TENM2: variants seen among roughly 807,000 people sequenced by gnomAD.
TENM2 encodes teneurin transmembrane protein 2, also known as teneurin-2.
In TENM2, 52 loss-of-function variants were observed where a neutral mutation model predicts 245.2. The observed-to-expected ratio is 0.21, with a 90% CI of 0.17 to 0.27. TENM2 has a LOEUF of 0.27. TENM2 is among the 10% of genes least tolerant of loss of function. TENM2 has a pLI of 1.00. For missense variants in TENM2, 3,046 were observed against 3,666.8 expected, an observed-to-expected ratio of 0.83 and a Z score of 4.37; for synonymous variants, 1,363 against 1,438.9, an observed-to-expected ratio of 0.95 and a Z score of 1.19.
the TENM2 span, among the ~76,000 whole-genome samples, chr5:167,126,303 G>A: frequency 7.9e-5 from 12 of 152,088 alleles, no homozygotes; most frequent in African/African-American, 2.9e-4. Context: ...GGAAGAAGGA[G>A]GTGTCTCAGC....
At chr5:167,865,681 C>T (rs978594517) in intron 2 of TENM2, among the ~76,000 whole-genome samples, 2 of 152,176 alleles carry the variant, frequency 1.3e-5, no homozygotes, top group Admixed American at 6.5e-5. Context: ...TGGAGACTGA[C>T]ATGTTGTCAC....
chr5:168,147,187 G>A (rs533646806), intron 12 of TENM2, among the ~76,000 whole-genome samples: 6 of 152,306 alleles, frequency 3.9e-5, no homozygotes, highest in East Asian at 1.9e-4. Flanking sequence ...CAGAGTTAGC[G>A]TTCTCGCAGC....
chr5:168,115,801 T>C (rs1795039846), intron 9 of TENM2, among the ~76,000 whole-genome samples: 1 of 152,202 alleles, frequency 6.6e-6, no homozygotes, highest in African/African-American at 2.4e-5. Context: ...TTCTCTGGAA[T>C]ACCAACTCTG....
chr5:167,343,956 A>G (rs1417744590), intron 1 of TENM2, among the ~76,000 whole-genome samples: 1 of 151,772 alleles, frequency 6.6e-6, no homozygotes, highest in Non-Finnish European at 1.5e-5. Flanking sequence ...GTGGAAAGGA[A>G]ACTTAAAAAC....
intron 3 of TENM2, among the ~76,000 whole-genome samples, chr5:167,920,691 T>A (rs1251962900): frequency 3.9e-5 from 6 of 152,060 alleles, no homozygotes; most frequent in Non-Finnish European, 7.4e-5. Flanking sequence ...AGATAAATAA[T>A]TGGGGGAGAT....
At chr5:167,203,263 C>T in the TENM2 span, among the ~76,000 whole-genome samples, 1 of 152,140 alleles carries the variant, frequency 6.6e-6, no homozygotes, top group Non-Finnish European at 1.5e-5. Flanking sequence ...TCCTAGTCTC[C>T]ATTCCCACTG....
At chr5:167,373,114 A>G (rs574450073) in intron 1 of TENM2, among the ~76,000 whole-genome samples, 4 of 152,374 alleles carry the variant, frequency 2.6e-5, no homozygotes, top group Admixed American at 6.5e-5. Flanking sequence ...TCTCCAATGA[A>G]TAAGTTTCAT....
intron 2 of TENM2, among the ~76,000 whole-genome samples, chr5:167,747,112 C>T (rs1761642378): frequency 6.6e-6 from 1 of 152,016 alleles, no homozygotes. Context: ...GTGTCAGGAG[C>T]AGAAGGTGAT....
At chr5:167,897,887 A>ATTTT (rs1432727515) in intron 3 of TENM2, among the ~76,000 whole-genome samples, 26 of 136,754 alleles carry the variant, frequency 1.9e-4, no homozygotes, top group African/African-American at 7.1e-4. Context: ...TCCGTAGTAA[A>ATTTT]TTGTTTTTTT....
chr5:168,014,615 G>A (rs1459272856), intron 5 of TENM2, among the ~76,000 whole-genome samples: 3 of 152,152 alleles, frequency 2.0e-5, no homozygotes, highest in Non-Finnish European at 4.4e-5. Context: ...TCTGCACTAG[G>A]CGTAATGGTT....
At chr5:167,126,552 G>T in the TENM2 span, among the ~76,000 whole-genome samples, 62 of 152,086 alleles carry the variant, frequency 4.1e-4, no homozygotes, top group Admixed American at 3.3e-4. Context: ...TCACATGGAA[G>T]AATTATAAAT....
At chr5:167,162,167 G>A in the TENM2 span, among the ~76,000 whole-genome samples, 5 of 145,870 alleles carry the variant, frequency 3.4e-5, no homozygotes, top group South Asian at 2.2e-4. Context: ...GCAAGACTCC[G>A]TCTCAAAAAA....
chr5:166,985,602 A>G, the TENM2 span, among the ~76,000 whole-genome samples: 2 of 152,194 alleles, frequency 1.3e-5, no homozygotes, highest in Non-Finnish European at 2.9e-5. Flanking sequence ...ACGCAGTCAG[A>G]TGAAACCAAT....
upstream of TENM2, among the ~76,000 whole-genome samples, chr5:167,283,044 T>C (rs1485131543): frequency 6.6e-6 from 1 of 151,762 alleles, no homozygotes; most frequent in African/African-American, 2.4e-5. Context: ...ATTTGTACCC[T>C]CTTTTTCTTT....
chr5:167,800,699 G>A (rs1765645204), intron 2 of TENM2, among the ~76,000 whole-genome samples: 1 of 152,152 alleles, frequency 6.6e-6, no homozygotes. Context: ...CGTGGGCTTT[G>A]CCAAGGGCTG....
At chr5:167,345,296 T>C (rs1758387652) in intron 1 of TENM2, among the ~76,000 whole-genome samples, 1 of 152,158 alleles carries the variant, frequency 6.6e-6, no homozygotes, top group Non-Finnish European at 1.5e-5. Flanking sequence ...CATTCGGCTT[T>C]AGTGGTTGCA....
chr5:168,029,251 C>T (rs1204587888), intron 5 of TENM2, among the ~76,000 whole-genome samples: 2 of 152,180 alleles, frequency 1.3e-5, no homozygotes, highest in Admixed American at 1.3e-4. Flanking sequence ...TGGTTAGGAT[C>T]TCAACATACG....
intron 2 of TENM2, among the ~76,000 whole-genome samples, chr5:167,819,879 G>A (rs1024280166): frequency 1.3e-5 from 2 of 152,164 alleles, no homozygotes; most frequent in African/African-American, 2.4e-5. Context: ...TGGAGTGAGC[G>A]TGATTGCTCT....
At chr5:167,086,870 C>G in the TENM2 span, among the ~76,000 whole-genome samples, 1 of 151,500 alleles carries the variant, frequency 6.6e-6, no homozygotes, top group Non-Finnish European at 1.5e-5. Flanking sequence ...AGCTTTTTAT[C>G]AGTGTTTTTC....
Sources: allele counts gnomAD v4.1 joint callset (sites outside exome capture counted in the v4.1 genomes callset), GRCh38; gene constraint gnomAD v4.1.1; transcripts MANE v1.5; gene names NCBI Gene and HGNC (gene_info 2026-07-23, HGNC 2026-07-21).